Variants in RBM45 observed in about 807,000 individuals in gnomAD.
The protein encoded by RBM45 is RNA-binding protein 45.
Under a neutral mutation model 58.5 loss-of-function variants are expected in RBM45, and 39 were observed. The observed-to-expected ratio is 0.67, with a 90% CI of 0.52 to 0.87. RBM45 has a LOEUF of 0.87. RBM45 is among the 40% of genes least tolerant of loss of function. RBM45 has a pLI of 0.00. For synonymous variants in RBM45, 193 were observed against 203.0 expected (o/e 0.95, Z 0.42); for missense variants, 481 against 581.6 (o/e 0.83, Z 1.78).
chr2:178,136,866 G>A (rs2088049470), exon 4 of RBM45: 1 of 152,184 alleles, frequency 6.6e-6, no homozygotes, highest in African/African-American at 2.4e-5. Flanking sequence ...AGAGCTGAAA[G>A]CAGTATTCAG....
At chr2:178,129,237 TAGTA>T (rs2087975731) in intron 9 of RBM45, among the ~76,000 whole-genome samples, 156 bp from the exon 10 acceptor site, 1 of 152,352 alleles carries the variant, frequency 6.6e-6, no homozygotes, top group East Asian at 1.9e-4. Flanking sequence ...TCGCCCTTCT[TAGTA>T]AGTTTGGTTT....
At chr2:178,116,541 A>G (rs2087779577) in intron 2 of RBM45, among the ~76,000 whole-genome samples, 157 bp downstream of exon 2, 1 of 152,250 alleles carries the variant, frequency 6.6e-6, no homozygotes, top group South Asian at 2.1e-4. Context: ...TTTAAATATT[A>G]AACCTAGCAT....
chr2:178,132,731 C>T (rs1467890468), downstream of RBM45, among the ~76,000 whole-genome samples: 2 of 152,172 alleles, frequency 1.3e-5, no homozygotes, highest in Non-Finnish European at 2.9e-5. Context: ...GCTGGGATTA[C>T]AGGCACGTGC....
At position 178,115,281 on chromosome 2, in the gene RBM45, C is replaced by T. The variant is rs1293812324; in HGVS notation, c.301-981C>T. Among the ~76,000 whole-genome samples, 4 of 152,244 alleles carry T rather than the reference C, an allele frequency of 2.6e-5. No homozygotes were observed. In the East Asian group the frequency reaches 5.8e-4, roughly 22 times the overall value. On this transcript the variant is annotated intron_variant, in intron 1 of 9. Coordinates refer to ENST00000286070, the MANE Select transcript of RBM45 (RefSeq NM_152945.4). ...ACGTATGTTCTACATAGACTGTCTC[C>T]TTTATCAGAGATTTGAAACACCTCA...
At chr2:178,126,214 C>A in intron 9 of RBM45, 30 bp downstream of exon 9, 1 of 1,460,224 alleles carries the variant, frequency 6.8e-7, no homozygotes, top group Non-Finnish European at 9.5e-7. Context: ...AATTTTAAAA[C>A]ATATTGAGTA....
At chr2:178,125,959 G>A (rs896878971) in intron 8 of RBM45, 25 bp from the exon 9 acceptor site, 2 of 1,603,016 alleles carry the variant, frequency 1.2e-6, no homozygotes, top group South Asian at 1.1e-5. Context: ...AATTTTGGTT[G>A]ATTATTTTTT....
chr2:178,124,111 T>C lies in RBM45; in HGVS notation c.1069-16T>C, dbSNP rs776738237. 26 of 1,576,826 alleles carry C rather than the reference T, an allele frequency of 1.6e-5. 1 individual carries two copies. The South Asian group carries it at 2.7e-4, about 17-fold the overall frequency. ...AGGGCATTTTTTTCTTTTTCTTGTTTTCTACCTGTTAACAGCAATTTGGAG... is the reference window on the plus strand; with the variant it reads ...AGGGCATTTTTTTCTTTTTCTTGTTCTCTACCTGTTAACAGCAATTTGGAG... On this transcript the variant is annotated splice_polypyrimidine_tract_variant and intron_variant, in intron 7 of 9. Transcript: ENST00000286070.
At position 178,112,503 on chromosome 2, in the gene RBM45, C is replaced by T. The variant is rs201201577; in HGVS notation, c.-44C>T. 1.3e-5 allele frequency: 21 copies of T among 1,560,824 alleles called. No individual in the cohort carries two copies. The East Asian group carries it at 4.3e-4, about 32-fold the overall frequency. On this transcript the variant is annotated 5_prime_UTR_variant, in exon 1 of 10. Coordinates refer to ENST00000286070, the MANE Select transcript of RBM45 (RefSeq NM_152945.4). ...GAGACAGCAGCGGTGGCAGACACCGCAGAAGCAAAGAGCAGTGAGGCTCCT... is the reference window on the plus strand; with the variant it reads ...GAGACAGCAGCGGTGGCAGACACCGTAGAAGCAAAGAGCAGTGAGGCTCCT...
In RBM45 at chr2:178,112,616, C is replaced by G; in HGVS notation, c.70C>G (p.Pro24Ala). ...RPGVDSLDEP[P>A]NSRIFLVISK... ...GGGCGTGGACAGCCTGGACGAACCGCCCAACAGCCGCATCTTCCTTGTGAT... is the reference window on the plus strand; with the variant it reads ...GGGCGTGGACAGCCTGGACGAACCGGCCAACAGCCGCATCTTCCTTGTGAT... Residue 24 changes from proline (P) to alanine (A), a missense_variant, in exon 1 of 10, where the codon CCC becomes GCC. Physicochemically the swap from Pro to Ala is conservative, Grantham distance 27 (BLOSUM62 -1). Coordinates refer to ENST00000286070, the MANE Select transcript of RBM45 (RefSeq NM_152945.4). The G allele has an allele frequency of 6.2e-7, 1 of 1,614,068 alleles. No homozygotes were observed. The highest frequency in any genetic ancestry group is 8.5e-7 in the Non-Finnish European group (1 of 1,180,036).
chr2:178,120,704 T>C (rs1324020594), intron 4 of RBM45, among the ~76,000 whole-genome samples: 1 of 152,126 alleles, frequency 6.6e-6, no homozygotes, highest in Non-Finnish European at 1.5e-5. Flanking sequence ...TCTATATAGC[T>C]GACCAAAAAC....
chr2:178,120,513 T>G (rs1477466640), intron 4 of RBM45, 104 bp downstream of exon 4: 7 of 1,029,886 alleles, frequency 6.8e-6, no homozygotes, highest in Non-Finnish European at 9.4e-6. Flanking sequence ...TTTCACCTAG[T>G]GAATAAAAAT....
intron 9 of RBM45, among the ~76,000 whole-genome samples, chr2:178,127,760 G>A (rs1018231895): frequency 1.7e-4 from 26 of 152,040 alleles, no homozygotes; most frequent in African/African-American, 6.3e-4. Context: ...CAAAAAATGT[G>A]TTTTTTCTAG....
chr2:178,121,092 T>C, intron 4 of RBM45, 88 bp from the exon 5 acceptor site: 1 of 659,798 alleles, frequency 1.5e-6, no homozygotes, highest in Non-Finnish European at 2.6e-6. Context: ...TTCAGTACAA[T>C]GGACTCTGTT....
chr2:178,136,474 C>G (rs1292772373), exon 4 of RBM45: 3 of 152,222 alleles, frequency 2.0e-5, no homozygotes, highest in African/African-American at 7.2e-5. Context: ...GGCCCTGAAG[C>G]TGCACTATGT....
intron 1 of RBM45, among the ~76,000 whole-genome samples, chr2:178,115,853 T>TA (rs1218254511): frequency 2.6e-5 from 4 of 152,118 alleles, no homozygotes; most frequent in South Asian, 4.2e-4. Flanking sequence ...TATTATCTCA[T>TA]AAAAAAAAGT....
chr2:178,138,578 A>C (rs2088063317), exon 4 of RBM45: 1 of 152,170 alleles, frequency 6.6e-6, no homozygotes, highest in African/African-American at 2.4e-5. Flanking sequence ...GGTAACAGGC[A>C]TTCTGTGATA....
intron 1 of RBM45, among the ~76,000 whole-genome samples, 168 bp from the exon 2 acceptor site, chr2:178,116,094 G>T (rs1227775947): frequency 1.3e-5 from 2 of 151,924 alleles, no homozygotes; most frequent in South Asian, 4.2e-4. Context: ...TGAGACTGCC[G>T]TGAGCCATGA....
chr2:178,136,458 A>G (rs2088046152), intron 3 of RBM45: 1 of 152,170 alleles, frequency 6.6e-6, no homozygotes, highest in East Asian at 1.9e-4. Context: ...GCATTCCTTC[A>G]CTAGTGGCCC....
At chr2:178,118,438 A>G (rs1222302810) in intron 3 of RBM45, among the ~76,000 whole-genome samples, 1 of 152,124 alleles carries the variant, frequency 6.6e-6, no homozygotes, top group Non-Finnish European at 1.5e-5. Context: ...TATTATTTTT[A>G]TAGGTTTTTA....
Sources: allele counts gnomAD v4.1 joint callset (sites outside exome capture counted in the v4.1 genomes callset), GRCh38; gene constraint gnomAD v4.1.1; transcripts MANE v1.5; gene names NCBI Gene and HGNC (gene_info 2026-07-23, HGNC 2026-07-21).